SLC24A2: variants seen among roughly 807,000 people sequenced by gnomAD.
The protein encoded by SLC24A2 is solute carrier family 24 member 2, also known as sodium/potassium/calcium exchanger 2.
Under a neutral mutation model 62.0 loss-of-function variants are expected in SLC24A2, and 36 were observed. That is an observed-to-expected ratio of 0.58 (90% CI 0.44 to 0.77). The LOEUF is 0.77. Among genes scored for constraint, SLC24A2 ranks in the 30% least tolerant of loss-of-function variants. SLC24A2 has a pLI of 0.00. For synonymous variants in SLC24A2, 358 were observed against 294.0 expected (o/e 1.22, Z -2.23); for missense variants, 846 against 817.9 (o/e 1.03, Z -0.42).
chr9:19,916,842 T>G, the SLC24A2 span, among the ~76,000 whole-genome samples: 1 of 152,034 alleles, frequency 6.6e-6, no homozygotes, highest in Admixed American at 6.5e-5. Context: ...CTTCTTAGGA[T>G]AGATGCTATA....
the SLC24A2 span, among the ~76,000 whole-genome samples, chr9:20,290,343 C>A: frequency 6.6e-6 from 1 of 152,226 alleles, no homozygotes; most frequent in African/African-American, 2.4e-5. Context: ...GTTGAGGAGC[C>A]CACAGCTGTT....
chr9:20,090,980 A>C, the SLC24A2 span, among the ~76,000 whole-genome samples: 1 of 152,204 alleles, frequency 6.6e-6, no homozygotes, highest in Admixed American at 6.5e-5. Context: ...AGGAGCTGAC[A>C]GACAAAATAG....
the SLC24A2 span, among the ~76,000 whole-genome samples, chr9:19,918,007 A>G: frequency 3.6e-4 from 55 of 152,230 alleles, 1 homozygote; most frequent in South Asian, 0.011. Flanking sequence ...TCTTCCTTGT[A>G]TTAAGGAAGC....
chr9:19,948,718 G>T, the SLC24A2 span, among the ~76,000 whole-genome samples: 2 of 150,972 alleles, frequency 1.3e-5, no homozygotes, highest in Non-Finnish European at 3.0e-5. Context: ...AGTGGCGGGC[G>T]CCTGTAGTCC....
intron 2 of SLC24A2, among the ~76,000 whole-genome samples, chr9:19,664,116 T>C (rs1819181081): frequency 1.3e-5 from 2 of 152,212 alleles, no homozygotes; most frequent in Admixed American, 6.5e-5. Flanking sequence ...CACGCATAGA[T>C]TAACACCCTT....
chr9:20,160,031 T>C, the SLC24A2 span, among the ~76,000 whole-genome samples: 1 of 151,442 alleles, frequency 6.6e-6, no homozygotes, highest in Non-Finnish European at 1.5e-5. Context: ...AATATAGCTC[T>C]ATGCTGAACA....
chr9:19,651,679 C>A (rs1262215798), intron 2 of SLC24A2, among the ~76,000 whole-genome samples: 3 of 152,166 alleles, frequency 2.0e-5, no homozygotes, highest in African/African-American at 7.2e-5. Context: ...ATACCGCTGC[C>A]AGAAACCCTA....
chr9:20,263,606 T>C, the SLC24A2 span, among the ~76,000 whole-genome samples: 25 of 152,304 alleles, frequency 1.6e-4, no homozygotes, highest in African/African-American at 5.5e-4. Flanking sequence ...CAAAATTCCA[T>C]GGGCACCTTC....
the SLC24A2 span, among the ~76,000 whole-genome samples, chr9:20,163,120 G>A: frequency 6.6e-6 from 1 of 152,120 alleles, no homozygotes; most frequent in African/African-American, 2.4e-5. Context: ...AGTGTTGGAA[G>A]TTCTGGCCAG....
At chr9:20,133,156 A>G in the SLC24A2 span, among the ~76,000 whole-genome samples, 1 of 152,120 alleles carries the variant, frequency 6.6e-6, no homozygotes, top group Non-Finnish European at 1.5e-5. Flanking sequence ...GGCCTGCCTT[A>G]CAGACCTCAG....
chr9:19,873,984 C>G, the SLC24A2 span, among the ~76,000 whole-genome samples: 1 of 152,034 alleles, frequency 6.6e-6, no homozygotes. Context: ...CCATAAATCC[C>G]TTTAAACAAT....
the SLC24A2 span, among the ~76,000 whole-genome samples, chr9:19,806,554 G>T: frequency 6.6e-6 from 1 of 152,232 alleles, no homozygotes; most frequent in Middle Eastern, 3.4e-3. Context: ...TTCAGTAAAG[G>T]TATATTTAAC....
chr9:19,597,348 A>G, intron 4 of SLC24A2, 69 bp from the exon 5 acceptor site: 2 of 1,035,728 alleles, frequency 1.9e-6, no homozygotes, highest in Non-Finnish European at 1.5e-6. Flanking sequence ...GTTTTTACAC[A>G]TTTTTAATTA....
At chr9:19,739,541 A>C (rs1221048889) in intron 2 of SLC24A2, among the ~76,000 whole-genome samples, 1 of 152,202 alleles carries the variant, frequency 6.6e-6, no homozygotes, top group East Asian at 1.9e-4. Flanking sequence ...ATTTATGACA[A>C]AGGTGAAACT....
the SLC24A2 span, among the ~76,000 whole-genome samples, chr9:20,073,096 C>T: frequency 6.6e-6 from 1 of 152,232 alleles, no homozygotes; most frequent in East Asian, 1.9e-4. Flanking sequence ...TGTATTATCT[C>T]CGTTTTTGTA....
intron 5 of SLC24A2, among the ~76,000 whole-genome samples, chr9:19,585,982 G>A (rs568877566): frequency 6.6e-6 from 1 of 152,028 alleles, no homozygotes; most frequent in African/African-American, 2.4e-5. Flanking sequence ...TTTTGTAATT[G>A]GTCTCCCAGT....
chr9:20,292,764 A>AT, the SLC24A2 span, among the ~76,000 whole-genome samples: 1 of 151,926 alleles, frequency 6.6e-6, no homozygotes, highest in Non-Finnish European at 1.5e-5. Context: ...TAATTCCTTT[A>AT]TTTTTTGTAG....
rs1335615736 is a variant in SLC24A2, at chr9:19,513,800, G to C, written c.*2353C>G. 6.6e-6 allele frequency: 1 copy of C among 152,196 alleles called. No homozygotes were observed. The highest frequency in any genetic ancestry group is 2.4e-5 in the African/African-American group (1 of 41,440). 9.4% of individuals were successfully genotyped at this position (152,196 alleles called of 1,614,324 possible). A position where few individuals can be genotyped will look rare whatever the true frequency, so the allele number is the denominator to read the frequency against. ...AATTCACACAATAACCAACTTGGTT[G>C]CCCTTCAAGAAATACACAGGGAAAA... On this transcript the variant is annotated 3_prime_UTR_variant, in exon 11 of 11. Transcript: ENST00000341998.
intron 6 of SLC24A2, among the ~76,000 whole-genome samples, chr9:19,575,065 C>T (rs1260517459): frequency 1.3e-5 from 2 of 151,876 alleles, no homozygotes; most frequent in African/African-American, 4.8e-5. Flanking sequence ...TTGAAGCAGC[C>T]AAATTTTGGA....
Sources: gnomAD v4.1 joint callset for allele counts (sites outside exome capture counted in the v4.1 genomes callset) on GRCh38, gnomAD v4.1.1 for gene constraint, MANE v1.5 for transcripts, NCBI Gene and HGNC (gene_info 2026-07-23, HGNC 2026-07-21) for gene names.